CLVS2: variants seen among roughly 807,000 people sequenced by gnomAD.
CLVS2 encodes the protein clavesin 2, also known as clavesin-2.
CLVS2 carries 19 observed loss-of-function variants against 29.0 expected under a neutral mutation model. That is an observed-to-expected ratio of 0.66 (90% CI 0.46 to 0.96). The LOEUF (loss-of-function observed/expected upper bound fraction) is 0.96, where lower values mean the gene tolerates loss of function less well. CLVS2 is among the 40% of genes least tolerant of loss of function. The pLI is 0.00. For missense variants in CLVS2, 294 were observed against 404.1 expected (o/e 0.73, Z 2.34); for synonymous variants, 161 against 151.3 (o/e 1.06, Z -0.47).
intron 3 of CLVS2, among the ~76,000 whole-genome samples, chr6:123,024,385 T>C (rs1774968690): frequency 6.6e-6 from 1 of 152,130 alleles, no homozygotes; most frequent in Admixed American, 6.6e-5. Context: ...CATGAAGAGA[T>C]TTGTATATAC....
intron 2 of CLVS2, among the ~76,000 whole-genome samples, chr6:123,005,982 G>A (rs905006397): frequency 6.6e-6 from 1 of 152,188 alleles, no homozygotes; most frequent in Non-Finnish European, 1.5e-5. Flanking sequence ...AGTGTGCAGC[G>A]AACAGTATTT....
At position 123,068,772 on chromosome 6, in the gene CLVS2, A is replaced by G. The variant is rs1275672416; in HGVS notation, c.*5011A>G. 3 of 151,608 alleles carry G rather than the reference A, an allele frequency of 2.0e-5. No homozygotes were observed. The highest frequency in any genetic ancestry group is 4.4e-5 in the Non-Finnish European group (3 of 67,662). The allele number at this position is 151,608 out of a possible 1,614,324, so 9.4% of individuals were successfully genotyped here. A position where few individuals can be genotyped will look rare whatever the true frequency, so the allele number is the denominator to read the frequency against. ...TATTTAGTACTACACGGCATTTACT[A>G]TTTGGCCTTTTGAAGGAGTTATAAA... is the stretch of plus-strand genomic sequence containing the variant. On this transcript the variant is annotated 3_prime_UTR_variant, in exon 6 of 6. Transcript: ENST00000275162.
intron 2 of CLVS2, among the ~76,000 whole-genome samples, chr6:123,005,548 G>C (rs1027647356): frequency 6.6e-6 from 1 of 152,180 alleles, no homozygotes; most frequent in South Asian, 2.1e-4. Context: ...TGCTGAAAAG[G>C]TTGAAAAGTA....
At chr6:122,998,262 TG>T in intron 2 of CLVS2, 96 bp downstream of exon 2, 1 of 1,416,340 alleles carries the variant, frequency 7.1e-7, no homozygotes, top group Non-Finnish European at 9.5e-7. Context: ...TTGATATTTT[TG>T]TTTATTTGGC....
In CLVS2 at chr6:123,067,842, G is replaced by A. The variant is rs926242205; in HGVS notation, c.*4081G>A. ...TGTAATTATCTTCAGTAATGAAAAG[G>A]ATTTGTTTTCTTGTTTTTGTCTTTG... On this transcript the variant is annotated 3_prime_UTR_variant, in exon 6 of 6. Coordinates refer to ENST00000275162, the MANE Select transcript of CLVS2 (RefSeq NM_001010852.4). 43 of 151,570 alleles carry A rather than the reference G, an allele frequency of 2.8e-4. No homozygotes were observed. The highest frequency in any genetic ancestry group is 1.0e-3 in the African/African-American group (42 of 41,382). The allele number at this position is 151,570 out of a possible 1,614,324, so 9.4% of individuals were successfully genotyped here. A position where few individuals can be genotyped will look rare whatever the true frequency, so the allele number is the denominator to read the frequency against.
At chr6:123,051,300 G>T (rs749126573) in intron 4 of CLVS2, among the ~76,000 whole-genome samples, 1 of 152,130 alleles carries the variant, frequency 6.6e-6, no homozygotes, top group African/African-American at 2.4e-5. Flanking sequence ...TTACTGGGCT[G>T]CTGGGAATAT....
intron 2 of CLVS2, among the ~76,000 whole-genome samples, chr6:123,008,094 G>A (rs1484552599): frequency 1.3e-5 from 2 of 152,170 alleles, no homozygotes; most frequent in Admixed American, 6.5e-5. Flanking sequence ...GCTGCTAATG[G>A]TAATAATGTG....
chr6:123,052,840 A>ATATT lies in CLVS2; in HGVS notation c.676-2963_676-2960dup, dbSNP rs1396402331. Among the ~76,000 whole-genome samples the ATATT allele has an allele frequency of 3.6e-5, 5 of 140,274 alleles. 1 individual carries two copies. The highest frequency in any genetic ancestry group is 7.7e-5 in the Non-Finnish European group (5 of 64,560). The allele number at this position is 140,274 out of a possible 152,430, so 92.0% of individuals were successfully genotyped here. ...ACGTTAAATTTGCAGCAGCCATTGAATATTTAAGTGGATATTTTAAGTGGA... is the reference window on the plus strand; with the variant it reads ...ACGTTAAATTTGCAGCAGCCATTGAATATTTATTTAAGTGGATATTTTAAGTGGA... On this transcript the variant is annotated intron_variant, in intron 4 of 5. Transcript: ENST00000275162.
At position 123,048,640 on chromosome 6, in the gene CLVS2, T is replaced by C; in HGVS notation, c.583T>C (p.Phe195Leu). 1 of 1,612,738 alleles carries C rather than the reference T, an allele frequency of 6.2e-7. No homozygotes were observed. The highest frequency in any genetic ancestry group is 8.5e-7 in the Non-Finnish European group (1 of 1,178,908). The change falls in exon 4 of 6, where the codon TTT (phenylalanine) becomes CTT (leucine). Residue 195 changes from phenylalanine (F) to leucine (L), a missense_variant. By Grantham distance (22) the Phe-to-Leu change is conservative. Around this residue, in one of 2 missense-constraint regions of CLVS2, gnomAD observed 212 missense variants for 336.4 expected, o/e 0.63. Coordinates refer to ENST00000275162, the MANE Select transcript of CLVS2 (RefSeq NM_001010852.4). ...EGLQDSFPAR[F>L]GGIHFVNQPW... The stretch of plus-strand genomic sequence containing the variant: ...ACTCTAGGATAGTTTCCCAGCGCGA[T>C]TTGGAGGAATTCATTTTGTCAATCA...
At position 123,072,378 on chromosome 6, in the gene CLVS2, AG is replaced by A. The variant is rs1462144770; in HGVS notation, c.*8619del. The A allele has an allele frequency of 6.6e-6, 1 of 152,086 alleles. No homozygotes were observed. Among genetic ancestry groups the A allele is most frequent in the Non-Finnish European group, 1.5e-5 (1 of 67,958 alleles). 9.4% of individuals were successfully genotyped at this position (152,086 alleles called of 1,614,324 possible). ...TTTTATTCCTCTTTGTGTGCTATGT[AG>A]GACATTGTTAACCAATATAGATTAT... On this transcript the variant is annotated 3_prime_UTR_variant, in exon 6 of 6. Transcript: ENST00000275162.
chr6:122,996,940 G>A (rs1036136788), intron 1 of CLVS2, among the ~76,000 whole-genome samples, 194 bp downstream of exon 1: 2 of 151,898 alleles, frequency 1.3e-5, no homozygotes, highest in Non-Finnish European at 2.9e-5. Flanking sequence ...GGAAATGAAG[G>A]GCTAGAGGAA....
At chr6:123,058,509 C>T (rs931093948) in intron 5 of CLVS2, among the ~76,000 whole-genome samples, 6 of 152,156 alleles carry the variant, frequency 3.9e-5, no homozygotes, top group Non-Finnish European at 8.8e-5. Flanking sequence ...TCAGCTGCAC[C>T]CACCCCCTAA....
chr6:123,063,000 G>A (rs894580495), intron 5 of CLVS2, among the ~76,000 whole-genome samples: 1 of 152,202 alleles, frequency 6.6e-6, no homozygotes, highest in Admixed American at 6.5e-5. Flanking sequence ...GTATAAGTGG[G>A]TTTTCAAATT....
At chr6:123,061,812 G>A (rs934698597) in intron 5 of CLVS2, among the ~76,000 whole-genome samples, 1 of 152,132 alleles carries the variant, frequency 6.6e-6, no homozygotes, top group Non-Finnish European at 1.5e-5. Context: ...GCCTTGTGCA[G>A]TCTGAAGAGC....
In CLVS2 at chr6:123,027,716, GCTTAA is replaced by G. The variant is rs541555838; in HGVS notation, c.564+16563_564+16567del. ...ACTATGTGTACCTGGAGCTCATCAG[GCTTAA>G]CTTAAGTGAAATAAACCAGGAGTCT... On this transcript the variant is annotated intron_variant, in intron 3 of 5. Coordinates refer to ENST00000275162, the MANE Select transcript of CLVS2 (RefSeq NM_001010852.4). 1.6e-3 allele frequency among the ~76,000 whole-genome samples: 237 copies of G among 152,230 alleles called. 1 individual carries two copies. The highest frequency in any genetic ancestry group is 3.1e-3 in the Non-Finnish European group (208 of 68,016).
chr6:123,027,468 C>T (rs1775021291), intron 3 of CLVS2, among the ~76,000 whole-genome samples: 1 of 152,184 alleles, frequency 6.6e-6, no homozygotes, highest in Non-Finnish European at 1.5e-5. Flanking sequence ...CTCCCATTCA[C>T]ATTTTTCTTC....
intron 3 of CLVS2, among the ~76,000 whole-genome samples, chr6:123,043,067 A>G (rs1775257441): frequency 6.6e-6 from 1 of 152,150 alleles, no homozygotes; most frequent in Non-Finnish European, 1.5e-5. Flanking sequence ...AATCACTTCT[A>G]CTCTCTAAAC....
At chr6:123,011,977 A>G (rs1774754568) in intron 3 of CLVS2, among the ~76,000 whole-genome samples, 1 of 152,058 alleles carries the variant, frequency 6.6e-6, no homozygotes, top group South Asian at 2.1e-4. Flanking sequence ...TTTACTCATT[A>G]GTAATTTCTG....
intron 3 of CLVS2, among the ~76,000 whole-genome samples, chr6:123,036,139 A>G (rs1775150846): frequency 6.6e-6 from 1 of 152,206 alleles, no homozygotes; most frequent in Non-Finnish European, 1.5e-5. Flanking sequence ...AGTAGGTGCT[A>G]ATCATTGACA....
Sources: gnomAD v4.1 joint callset for allele counts (sites outside exome capture counted in the v4.1 genomes callset) on GRCh38, gnomAD v4.1.1 for gene constraint, gnomAD v4.1.1 regional missense constraint, MANE v1.5 for transcripts, NCBI Gene and HGNC (gene_info 2026-07-23, HGNC 2026-07-21) for gene names.